UBA5: variants seen among roughly 807,000 people sequenced by gnomAD.
The protein encoded by UBA5 is ubiquitin like modifier activating enzyme 5.
A neutral mutation model predicts 52.9 loss-of-function variants in UBA5; 28 were observed. The observed-to-expected ratio is 0.53, with a 90% CI of 0.39 to 0.73. The LOEUF (loss-of-function observed/expected upper bound fraction) is 0.73, where lower values mean the gene tolerates loss of function less well. Ranked by LOEUF, UBA5 falls within the 30% of genes least tolerant of loss-of-function variation. The pLI, the probability that UBA5 is intolerant of heterozygous loss-of-function variation, is 0.00. For synonymous variants in UBA5, 135 were observed against 162.1 expected (o/e 0.83, Z 1.27); for missense variants, 388 against 492.7 (o/e 0.79, Z 2.01).
intron 8 of UBA5, among the ~76,000 whole-genome samples, chr3:132,673,593 C>T (rs925215331): frequency 2.0e-5 from 3 of 152,124 alleles, no homozygotes; most frequent in African/African-American, 7.2e-5. Context: ...AGTAATCTGC[C>T]CACCTCAGCC....
rs1171650639 is a variant in UBA5, at chr3:132,679,768, C to G, written c.*3242C>G. ...ACTTGTACCACTAAATAATCAAATT[C>G]TAAGCTCTAACAGCTTAATTCTAAA... On this transcript the variant is annotated 3_prime_UTR_variant, in exon 12 of 12. Transcript: ENST00000356232. 6.6e-6 allele frequency among the ~76,000 whole-genome samples: 1 copy of G among 152,112 alleles called. No individual in the cohort carries two copies. The highest frequency in any genetic ancestry group is 1.9e-4 in the East Asian group (1 of 5,198).
intron 1 of UBA5, among the ~76,000 whole-genome samples, chr3:132,663,878 G>T (rs78910211): frequency 0.021 from 3,190 of 152,210 alleles, 54 homozygotes; most frequent in South Asian, 0.074. Context: ...CAGGAACAAG[G>T]TGCAAAGTAT....
intron 3 of UBA5, chr3:132,668,264 A>G (rs1434164960): frequency 2.0e-5 from 3 of 152,224 alleles, no homozygotes; most frequent in African/African-American, 7.2e-5. Flanking sequence ...TTGTAATTCT[A>G]TTTGGAATAA....
chr3:132,675,374 G>C lies in UBA5; in HGVS notation c.939G>C (p.Glu313Asp). The change falls in exon 9 of 12, where the codon GAG (glutamate) becomes GAC (aspartate). Residue 313 changes from glutamate (E) to aspartate (D), a missense_variant. Glu to Asp is a conservative substitution (Grantham distance 45, BLOSUM62 2). This residue lies in a region of UBA5 where 277 missense variants were observed against 326.4 expected (regional missense o/e 0.85). Coordinates refer to ENST00000356232, the MANE Select transcript of UBA5 (RefSeq NM_024818.6). ...CDDRNCRKQQ[E>D]EYKKKVAALP... is the part of the protein sequence containing the mutation. ...ACAGAAATTGCAGGAAGCAGCAGGA[G>C]GAATATAAGGTATATGACAATCTGT... The C allele has an allele frequency of 6.2e-7, 1 of 1,613,394 alleles. No homozygotes were observed. Among genetic ancestry groups the C allele is most frequent in the Non-Finnish European group, 8.5e-7 (1 of 1,179,704 alleles).
intron 1 of UBA5, 50 bp from the exon 2 acceptor site, chr3:132,665,773 T>TAATA: frequency 6.5e-7 from 1 of 1,537,586 alleles, no homozygotes. Flanking sequence ...TTTGTATTAC[T>TAATA]AATACCTAAA....
At position 132,674,921 on chromosome 3, in the gene UBA5, A is replaced by G. The variant is rs182342461; in HGVS notation, c.813-327A>G. On this transcript the variant is annotated intron_variant, in intron 8 of 11. Transcript: ENST00000356232. ...TTCTCCCACATTTTAGCTTCTCTGAAATCAGCATGCTTCTTGAAGTTGTTG... is the reference window on the plus strand; with the variant it reads ...TTCTCCCACATTTTAGCTTCTCTGAGATCAGCATGCTTCTTGAAGTTGTTG... Among the ~76,000 whole-genome samples, 220 of 152,290 alleles carry G rather than the reference A, an allele frequency of 1.4e-3. 2 individuals carry two copies. Among genetic ancestry groups the G allele is most frequent in the African/African-American group, 4.6e-3 (193 of 41,562 alleles).
upstream of UBA5, among the ~76,000 whole-genome samples, chr3:132,657,847 A>G (rs1937888500): frequency 6.7e-6 from 1 of 149,056 alleles, no homozygotes; most frequent in Admixed American, 6.7e-5. Context: ...AACTTTTGGT[A>G]TTAAAAAAAC....
rs778192026 is a variant in UBA5, at chr3:132,672,098, A to C, written c.733A>C (p.Lys245Gln). ...VAANIDEKTL[K>Q]REGVCAASLP... ...TGCAAATATTGATGAAAAGACTCTG[A>C]AACGAGAAGGTGTTTGTGCAGCCAG... Residue 245 changes from lysine (K) to glutamine (Q), a missense_variant, in exon 8 of 12, where the codon AAA (lysine) becomes CAA (glutamine). Lys to Gln is a moderately conservative substitution (Grantham distance 53). This residue lies in a region of UBA5 where 277 missense variants were observed against 326.4 expected (regional missense o/e 0.85). Transcript: ENST00000356232. 1.2e-6 allele frequency: 2 copies of C among 1,614,026 alleles called. No individual in the cohort carries two copies. Among genetic ancestry groups the C allele is most frequent in the Non-Finnish European group, 1.7e-6 (2 of 1,179,952 alleles).
chr3:132,660,961 C>A lies in UBA5; in HGVS notation c.161+263C>A. The A allele has an allele frequency of 6.7e-7, 1 of 1,492,514 alleles. No individual in the cohort carries two copies. Among genetic ancestry groups the A allele is most frequent in the Non-Finnish European group, 8.9e-7 (1 of 1,120,050 alleles). 92.5% of individuals were successfully genotyped at this position (1,492,514 alleles called of 1,614,324 possible). A position where few individuals can be genotyped will look rare whatever the true frequency, so the allele number is the denominator to read the frequency against. The stretch of plus-strand genomic sequence containing the variant: ...GGACGTGTGTCCAGTTTCCTATCAC[C>A]CTTGCCTCTTAATTAGTCCGCCTCG... On this transcript the variant is annotated intron_variant, in intron 1 of 11. Transcript: ENST00000356232. This position sits in a 1 kb window ranked among gnomAD's most constrained non-coding sequence, Gnocchi z 4.1.
chr3:132,675,815 A>G lies in UBA5; in HGVS notation c.1025-2A>G. 1 of 1,602,794 alleles carries G rather than the reference A, an allele frequency of 6.2e-7. No homozygotes were observed. On this transcript the variant is annotated splice_acceptor_variant, in intron 10 of 11. Transcript: ENST00000356232. LOFTEE classifies it high-confidence loss of function. The stretch of plus-strand genomic sequence containing the variant: ...AAAACTGACATAGGATCAAATTTAC[A>G]GGTATTGAGCTGGTATCTGAGGTTT...
chr3:132,674,277 C>CT (rs1315161224), intron 8 of UBA5, among the ~76,000 whole-genome samples: 1 of 152,100 alleles, frequency 6.6e-6, no homozygotes, highest in Admixed American at 6.5e-5. Flanking sequence ...TGTCATTTAT[C>CT]TTTTTTATGT....
rs1343162045 is a variant in UBA5 at position 132,661,104 on chromosome 3, G to C, written c.161+406G>C. On this transcript the variant is annotated intron_variant, in intron 1 of 11. Coordinates refer to ENST00000356232, the MANE Select transcript of UBA5 (RefSeq NM_024818.6). The stretch of plus-strand genomic sequence containing the variant: ...AATGCATCTTAAATGGGGTCGGGGC[G>C]GGGGAGAGCGGGGTTAGCTCTATTC... 7.9e-6 allele frequency: 10 copies of C among 1,272,166 alleles called. No individual in the cohort carries two copies. In the Admixed American group the frequency reaches 1.6e-4, roughly 21 times the overall value. The allele number at this position is 1,272,166 out of a possible 1,614,324, so 78.8% of individuals were successfully genotyped here.
At chr3:132,671,605 T>TAA (rs1938606636) in intron 6 of UBA5, among the ~76,000 whole-genome samples, 172 bp from the exon 7 acceptor site, 1 of 152,206 alleles carries the variant, frequency 6.6e-6, no homozygotes, top group Non-Finnish European at 1.5e-5. Context: ...CTCTACTCTT[T>TAA]AAATAGAGTA....
rs1267722931 is a variant in UBA5 at position 132,676,394 on chromosome 3, G to T, written c.1132-49G>T. 4.8e-6 allele frequency: 7 copies of T among 1,458,488 alleles called. No homozygotes were observed. The Middle Eastern group carries it at 5.2e-4, about 109-fold the overall frequency. 90.3% of individuals were successfully genotyped at this position (1,458,488 alleles called of 1,614,324 possible). On this transcript the variant is annotated intron_variant, in intron 11 of 11. Transcript: ENST00000356232. This position sits in a 1 kb window ranked among gnomAD's most constrained non-coding sequence, Gnocchi z 4.1. ...CTGATTATATATTCCTAAGCATCAA[G>T]AATTCTATATGGTTCTTTTTTCACT...
chr3:132,671,738 T>C, intron 6 of UBA5, 39 bp from the exon 7 acceptor site: 1 of 1,441,040 alleles, frequency 6.9e-7, no homozygotes, highest in Non-Finnish European at 9.4e-7. Flanking sequence ...TCTTGCTCTT[T>C]TATTTTTTTT....
rs1387681183 is a variant in UBA5 at position 132,660,824 on chromosome 3, C to T, written c.161+126C>T. ...GCCACCCTTTTCTTGGTCTGCGAAT[C>T]CTGTTCCCAAATGGGCAAGGCCACA... On this transcript the variant is annotated intron_variant, in intron 1 of 11. Transcript: ENST00000356232. The surrounding 1 kb of genome is among the most constrained non-coding windows in gnomAD (Gnocchi z 4.1). The T allele has an allele frequency of 2.6e-5, 38 of 1,448,384 alleles. No homozygotes were observed. The highest frequency in any genetic ancestry group is 3.4e-5 in the Non-Finnish European group (37 of 1,098,410). 89.7% of individuals were successfully genotyped at this position (1,448,384 alleles called of 1,614,324 possible). A position where few individuals can be genotyped will look rare whatever the true frequency, so the allele number is the denominator to read the frequency against.
At chr3:132,671,122 C>A in intron 6 of UBA5, 73 bp downstream of exon 6, 1 of 1,281,536 alleles carries the variant, frequency 7.8e-7, no homozygotes, top group Non-Finnish European at 1.1e-6. Context: ...AGTATATAAT[C>A]CCCATCCTAA....
Position 132,660,656 on chromosome 3 carries a change from T to A in UBA5, c.119T>A (p.Ile40Asn). 1 of 1,574,866 alleles carries A rather than the reference T, an allele frequency of 6.3e-7. No individual in the cohort carries two copies. Among genetic ancestry groups the A allele is most frequent in the African/African-American group, 1.4e-5 (1 of 74,072 alleles). The change falls in exon 1 of 12, where the codon ATC (isoleucine) becomes AAC (asparagine). Residue 40 changes from isoleucine to asparagine, a missense_variant. Ile to Asn is a moderately radical substitution (Grantham distance 149, BLOSUM62 -3). Coordinates refer to ENST00000356232, the MANE Select transcript of UBA5 (RefSeq NM_024818.6). This position sits in a 1 kb window ranked among gnomAD's most constrained non-coding sequence, Gnocchi z 4.1. The part of the protein sequence containing the change: ...SGDGGGGRVR[I>N]EKMSSEVVDS... ...GACGGAGGGGGCGGCCGGGTCCGCA[T>A]CGAGAAGATGAGCTCAGAGGTGGTG...
chr3:132,670,882 A>C, intron 5 of UBA5, 83 bp from the exon 6 acceptor site: 1 of 810,764 alleles, frequency 1.2e-6, no homozygotes, highest in Non-Finnish European at 2.0e-6. Flanking sequence ...TGAAAGAATA[A>C]GTGTTGGACT....
Sources: gnomAD v4.1 joint callset for allele counts (sites outside exome capture counted in the v4.1 genomes callset) on GRCh38, gnomAD v4.1.1 for gene constraint, gnomAD v4.1.1 regional missense constraint, Gnocchi (gnomAD v3.1) non-coding constraint, MANE v1.5 for transcripts, NCBI Gene and HGNC (gene_info 2026-07-23, HGNC 2026-07-21) for gene names.